TAX1BP1: variants seen among roughly 807,000 people sequenced by gnomAD.
TAX1BP1 encodes the protein Tax1 binding protein 1.
Under a neutral mutation model 97.7 loss-of-function variants are expected in TAX1BP1, and 62 were observed. That is an observed-to-expected ratio of 0.63 (90% CI 0.52 to 0.78). The LOEUF (loss-of-function observed/expected upper bound fraction) is 0.78. Ranked by LOEUF, TAX1BP1 falls within the 30% of genes least tolerant of loss-of-function variation. TAX1BP1 has a pLI of 0.00. For synonymous variants in TAX1BP1, 340 were observed against 304.2 expected (o/e 1.12, Z -1.23); for missense variants, 867 against 916.1 (o/e 0.95, Z 0.69).
In TAX1BP1 at chr7:27,828,989, A is replaced by G. The variant is rs1782594275; in HGVS notation, c.*160A>G. On this transcript the variant is annotated 3_prime_UTR_variant, in exon 17 of 17. Coordinates refer to ENST00000396319, the MANE Select transcript of TAX1BP1 (RefSeq NM_006024.7). ...CTTTGAGTTTGGTGTTACTAGGATC[A>G]GGGTCAGTCTTTGGCTTATCAATAA... 1 of 565,922 alleles carries G rather than the reference A, an allele frequency of 1.8e-6. No homozygotes were observed. The allele number at this position is 565,922 out of a possible 1,614,324, so 35.1% of individuals were successfully genotyped here.
At chr7:27,794,481 C>G (rs765646846) in intron 11 of TAX1BP1, 35 bp downstream of exon 11, 1 of 1,553,786 alleles carries the variant, frequency 6.4e-7, no homozygotes, top group South Asian at 1.3e-5. Flanking sequence ...GTAGGGTGTC[C>G]TACATTGAAA....
chr7:27,809,908 G>GA (rs1197740345), intron 13 of TAX1BP1, among the ~76,000 whole-genome samples: 1 of 148,140 alleles, frequency 6.8e-6, no homozygotes, highest in African/African-American at 2.5e-5. Context: ...CTTCTTTTGT[G>GA]CCTTTTTTTT....
At chr7:27,777,214 T>C (rs1388350373) in intron 5 of TAX1BP1, among the ~76,000 whole-genome samples, 2 of 152,252 alleles carry the variant, frequency 1.3e-5, no homozygotes, top group Non-Finnish European at 2.9e-5. Flanking sequence ...TGTCATATAT[T>C]GTGAATTATA....
At chr7:27,797,901 C>T (rs1000862902) in intron 12 of TAX1BP1, among the ~76,000 whole-genome samples, 8 of 150,728 alleles carry the variant, frequency 5.3e-5, no homozygotes, top group Non-Finnish European at 5.9e-5. Context: ...ATGAATTGCA[C>T]GTACCTAGAG....
At chr7:27,787,806 C>CT (rs1160247307) in intron 8 of TAX1BP1, among the ~76,000 whole-genome samples, 2 of 151,928 alleles carry the variant, frequency 1.3e-5, no homozygotes, top group Non-Finnish European at 2.9e-5. Flanking sequence ...ATTTATATGC[C>CT]TTTTTTTCTG....
chr7:27,754,831 C>G (rs1008040105), intron 2 of TAX1BP1, among the ~76,000 whole-genome samples: 1 of 152,142 alleles, frequency 6.6e-6, no homozygotes, highest in Non-Finnish European at 1.5e-5. Context: ...GATCCCCCCA[C>G]CTCAGTCTCC....
intron 1 of TAX1BP1, among the ~76,000 whole-genome samples, chr7:27,742,280 C>G (rs1583657818): frequency 6.6e-6 from 1 of 152,156 alleles, no homozygotes; most frequent in African/African-American, 2.4e-5. Flanking sequence ...GGGGAGAAAC[C>G]TTGGACAATA....
At chr7:27,777,997 G>A (rs1313653733) in intron 5 of TAX1BP1, among the ~76,000 whole-genome samples, 1 of 152,142 alleles carries the variant, frequency 6.6e-6, no homozygotes, top group Non-Finnish European at 1.5e-5. Context: ...GTCGCTATCA[G>A]GAGAAATGTT....
intron 11 of TAX1BP1, among the ~76,000 whole-genome samples, chr7:27,795,162 A>C (rs1789871642): frequency 6.6e-6 from 1 of 152,156 alleles, no homozygotes; most frequent in South Asian, 2.1e-4. Context: ...TTTAAATGTA[A>C]ACATCTTAGA....
chr7:27,815,461 T>G (rs1205701770), intron 13 of TAX1BP1, among the ~76,000 whole-genome samples: 1 of 152,170 alleles, frequency 6.6e-6, no homozygotes, highest in East Asian at 1.9e-4. Flanking sequence ...CTGCATTTGG[T>G]TTTTGGATGT....
chr7:27,800,369 A>G (rs1790086530), intron 13 of TAX1BP1, among the ~76,000 whole-genome samples: 1 of 152,144 alleles, frequency 6.6e-6, no homozygotes, highest in African/African-American at 2.4e-5. Flanking sequence ...AAAGTTGAAA[A>G]GTGATCATTA....
intron 4 of TAX1BP1, among the ~76,000 whole-genome samples, chr7:27,766,627 T>C (rs1198073748): frequency 1.3e-5 from 2 of 152,106 alleles, no homozygotes; most frequent in East Asian, 1.9e-4. Context: ...TAAGTACCAA[T>C]TGGGAGAGTT....
chr7:27,791,943 G>T (rs1789724631), intron 8 of TAX1BP1, 63 bp from the exon 9 acceptor site: 1 of 1,530,532 alleles, frequency 6.5e-7, no homozygotes, highest in Admixed American at 1.8e-5. Context: ...TGCGAAAATT[G>T]TTTCTGCTTC....
chr7:27,817,808 G>A (rs891387263), intron 15 of TAX1BP1, among the ~76,000 whole-genome samples: 2 of 151,796 alleles, frequency 1.3e-5, no homozygotes, highest in African/African-American at 2.4e-5. Flanking sequence ...ATGCTTTATC[G>A]TGCTCTTTGC....
At chr7:27,827,114 G>A (rs1008398737) in intron 15 of TAX1BP1, among the ~76,000 whole-genome samples, 2 of 152,228 alleles carry the variant, frequency 1.3e-5, no homozygotes, top group African/African-American at 4.8e-5. Flanking sequence ...CACTTTGAGA[G>A]ACCAAGGAGG....
At chr7:27,796,077 A>G (rs781110301) in intron 11 of TAX1BP1, 39 bp from the exon 12 acceptor site, 1 of 1,509,064 alleles carries the variant, frequency 6.6e-7, no homozygotes, top group Non-Finnish European at 9.1e-7. Flanking sequence ...ATAAGGGGCA[A>G]AATACTTTTT....
chr7:27,821,061 T>G (rs1790952549), intron 15 of TAX1BP1, among the ~76,000 whole-genome samples: 1 of 152,216 alleles, frequency 6.6e-6, no homozygotes, highest in Non-Finnish European at 1.5e-5. Flanking sequence ...TTCAGATTTT[T>G]GGATTAAAGA....
chr7:27,741,619 G>C (rs370585101), intron 1 of TAX1BP1, among the ~76,000 whole-genome samples: 8 of 151,846 alleles, frequency 5.3e-5, no homozygotes, highest in East Asian at 3.9e-4. Flanking sequence ...TCCTGCCTCA[G>C]CCTCCTGAGT....
At chr7:27,740,988 C>G (rs1027501698) in intron 1 of TAX1BP1, among the ~76,000 whole-genome samples, 22 of 152,168 alleles carry the variant, frequency 1.4e-4, no homozygotes, top group African/African-American at 4.8e-4. Context: ...GCGCGTACAC[C>G]TTATTAGTAA....
Sources: gnomAD v4.1 joint callset for allele counts (sites outside exome capture counted in the v4.1 genomes callset) on GRCh38, gnomAD v4.1.1 for gene constraint, MANE v1.5 for transcripts, NCBI Gene and HGNC (gene_info 2026-07-23, HGNC 2026-07-21) for gene names.